The following PCDH11X variants were observed in gnomAD, a reference collection of about 807,000 sequenced individuals.
PCDH11X encodes the protein protocadherin 11 X-linked.
A neutral mutation model predicts 53.3 loss-of-function variants in PCDH11X; 18 were observed. The observed-to-expected ratio is 0.34, with a 90% CI of 0.23 to 0.50. The LOEUF (loss-of-function observed/expected upper bound fraction) is 0.50, where lower values mean the gene tolerates loss of function less well. PCDH11X is among the 20% of genes least tolerant of loss of function. PCDH11X has a pLI of 0.98. For synonymous variants in PCDH11X, 279 were observed against 393.3 expected, an observed-to-expected ratio of 0.71 and a Z score of 3.44; for missense variants, 570 against 1,032.4, an observed-to-expected ratio of 0.55 and a Z score of 6.14.
chrX:91,849,443 C>T (rs951617995), intron 5 of PCDH11X, among the ~76,000 whole-genome samples: 5 of 109,768 alleles, frequency 4.6e-5, no homozygotes, highest in South Asian at 3.9e-4. Context: ...CTCCTCTCAC[C>T]CTCCACCCTA....
rs200383063 is a variant in PCDH11X, at chrX:92,301,646, TTTTTGTTTTG to T, written c.3144+38534_3144+38543del. 2.1e-3 allele frequency among the ~76,000 whole-genome samples: 223 copies of T among 105,346 alleles called. 1 individual carries two copies. The highest frequency in any genetic ancestry group is 9.3e-3 in the Middle Eastern group (2 of 214). The allele number at this position is 105,346 out of a possible 115,157, so 91.5% of individuals were successfully genotyped here. ...TAGGAGTCTGGGTTCACTTTTTTGT[TTTTTGTTTTG>T]TTTTGTTTTGTTTTGTTTTGTTTTG... is the stretch of plus-strand genomic sequence containing the variant. On this transcript the variant is annotated intron_variant, in intron 8 of 10. Transcript: ENST00000682573.
At chrX:92,412,219 C>T (rs1216327761) in intron 9 of PCDH11X, among the ~76,000 whole-genome samples, 3 of 107,609 alleles carry the variant, frequency 2.8e-5, no homozygotes, top group Non-Finnish European at 5.8e-5. Context: ...TTTTGCTTTA[C>T]CTTCAACTGC....
chrX:92,056,127 T>C (rs1424598448), intron 6 of PCDH11X, among the ~76,000 whole-genome samples: 1 of 111,421 alleles, frequency 9.0e-6, no homozygotes, highest in Non-Finnish European at 1.9e-5. Flanking sequence ...TCTGCTGCAA[T>C]GGTTGAATTA....
chrX:92,290,494 T>C (rs2148456582), intron 8 of PCDH11X, among the ~76,000 whole-genome samples: 1 of 112,642 alleles, frequency 8.9e-6, no homozygotes, highest in South Asian at 3.6e-4. Flanking sequence ...AAGATATGTC[T>C]AGTGATATTA....
At chrX:92,535,356 G>T (rs1410721634) in intron 10 of PCDH11X, among the ~76,000 whole-genome samples, 3 of 111,421 alleles carry the variant, frequency 2.7e-5, no homozygotes, top group African/African-American at 9.8e-5. Flanking sequence ...AAAGAATGAG[G>T]TCATGTCCTT....
chrX:92,092,978 C>G (rs35718827), intron 6 of PCDH11X, among the ~76,000 whole-genome samples: 2 of 110,835 alleles, frequency 1.8e-5, no homozygotes, highest in African/African-American at 6.6e-5. Context: ...TGTTGCAAGA[C>G]CTGGTTGTTT....
At chrX:92,237,870 A>G (rs1389354873) in intron 7 of PCDH11X, among the ~76,000 whole-genome samples, 5 of 111,895 alleles carry the variant, frequency 4.5e-5, no homozygotes, top group Non-Finnish European at 9.4e-5. Context: ...TTGTCAGGGC[A>G]GAATAACTCA....
rs1412096340 is a variant in PCDH11X, at chrX:91,946,590, T to C, written c.3033+67317T>C. On this transcript the variant is annotated intron_variant, in intron 6 of 10. Coordinates refer to ENST00000682573, the MANE Select transcript of PCDH11X (RefSeq NM_032968.5). ...ATATATATATATATATATATATATA[T>C]ATATATATAGCTATTTAAAATAATG... Among the ~76,000 whole-genome samples the C allele has an allele frequency of 3.3e-5, 3 of 90,287 alleles. No individual in the cohort carries two copies. The East Asian group carries it at 1.1e-3, about 32-fold the overall frequency. The allele number at this position is 90,287 out of a possible 115,157, so 78.4% of individuals were successfully genotyped here.
At chrX:91,977,981 C>G (rs909994299) in intron 6 of PCDH11X, among the ~76,000 whole-genome samples, 9 of 111,551 alleles carry the variant, frequency 8.1e-5, no homozygotes, top group Admixed American at 4.8e-4. Context: ...CCACCCTTTC[C>G]CCAGATTCAG....
At chrX:92,440,411 T>C (rs1162738907) in intron 9 of PCDH11X, among the ~76,000 whole-genome samples, 1 of 109,926 alleles carries the variant, frequency 9.1e-6, no homozygotes, top group Non-Finnish European at 1.9e-5. Flanking sequence ...CATGTGGTGA[T>C]ATTCTTTGGC....
rs1470884963 is a variant in PCDH11X at position 92,043,081 on chromosome X, A to G, written c.3034-158294A>G. Among the ~76,000 whole-genome samples, 28 of 109,243 alleles carry G rather than the reference A, an allele frequency of 2.6e-4. No individual in the cohort carries two copies. The East Asian group carries it at 7.2e-3, about 28-fold the overall frequency. The allele number at this position is 109,243 out of a possible 115,157, so 94.9% of individuals were successfully genotyped here. ...GAAAAAAACCTAGCTTTCTACTTGA[A>G]AGAGATGATACTTGTTCATTAATAT... On this transcript the variant is annotated intron_variant, in intron 6 of 10. Coordinates refer to ENST00000682573, the MANE Select transcript of PCDH11X (RefSeq NM_032968.5).
At chrX:92,489,311 T>C (rs2073709728) in intron 10 of PCDH11X, among the ~76,000 whole-genome samples, 1 of 109,542 alleles carries the variant, frequency 9.1e-6, no homozygotes, top group Non-Finnish European at 1.9e-5. Context: ...GCATTATAGG[T>C]GGGTGAAAGG....
At chrX:92,294,644 G>C (rs1443166897) in intron 8 of PCDH11X, among the ~76,000 whole-genome samples, 2 of 110,718 alleles carry the variant, frequency 1.8e-5, no homozygotes, top group Non-Finnish European at 3.8e-5. Context: ...GTGGTCTTGG[G>C]GAAAAACAAG....
intron 9 of PCDH11X, among the ~76,000 whole-genome samples, chrX:92,392,994 G>A (rs1347866419): frequency 9.0e-6 from 1 of 110,632 alleles, no homozygotes; most frequent in African/African-American, 3.3e-5. Context: ...AATGTTACCC[G>A]TATAACTGTT....
At chrX:92,062,715 C>T (rs983657673) in intron 6 of PCDH11X, among the ~76,000 whole-genome samples, 11 of 111,443 alleles carry the variant, frequency 9.9e-5, no homozygotes, top group South Asian at 7.6e-4. Flanking sequence ...GGAGAGGATG[C>T]GGAGAAATAG....
intron 6 of PCDH11X, among the ~76,000 whole-genome samples, chrX:92,004,590 T>TTATA (rs1430377453): frequency 9.1e-6 from 1 of 109,883 alleles, no homozygotes; most frequent in African/African-American, 3.3e-5. Context: ...TTTAAAATTC[T>TTATA]TATATTCTTT....
chrX:92,161,400 C>T (rs2476048), intron 6 of PCDH11X, among the ~76,000 whole-genome samples: 9 of 111,343 alleles, frequency 8.1e-5, no homozygotes, highest in South Asian at 3.7e-4. Flanking sequence ...TAATCTGATA[C>T]GTTTTCTTTT....
intron 6 of PCDH11X, among the ~76,000 whole-genome samples, chrX:91,972,343 T>G (rs1471573709): frequency 4.9e-4 from 43 of 88,519 alleles, no homozygotes; most frequent in African/African-American, 1.8e-3. Flanking sequence ...AGATTCTGGA[T>G]ATTAGCCCTT....
chrX:92,195,992 A>C (rs984970408), intron 6 of PCDH11X, among the ~76,000 whole-genome samples: 7 of 111,899 alleles, frequency 6.3e-5, no homozygotes, highest in African/African-American at 2.3e-4. Context: ...CAACTCTAAA[A>C]AACACAATGA....
Sources: gnomAD v4.1 joint callset for allele counts (sites outside exome capture counted in the v4.1 genomes callset) on GRCh38, gnomAD v4.1.1 for gene constraint, MANE v1.5 for transcripts, NCBI Gene and HGNC (gene_info 2026-07-23, HGNC 2026-07-21) for gene names.